Variants in SCN9A observed in about 807,000 individuals in gnomAD.
SCN9A encodes the protein sodium channel protein type 9 subunit alpha.
In SCN9A, 131 loss-of-function variants were observed where a neutral mutation model predicts 187.0. The ratio of observed to expected loss-of-function variants is 0.70; its 90% CI spans 0.61 to 0.81. The LOEUF is 0.81. Among genes scored for constraint, SCN9A ranks in the 30% least tolerant of loss-of-function variants. SCN9A has a pLI of 0.00. For synonymous variants in SCN9A, 809 were observed against 808.6 expected, an observed-to-expected ratio of 1.00 and a Z score of -0.01; for missense variants, 2,252 against 2,396.6, an observed-to-expected ratio of 0.94 and a Z score of 1.26.
intron 1 of SCN9A, among the ~76,000 whole-genome samples, chr2:166,328,243 A>G (rs1699412065): frequency 6.6e-6 from 1 of 151,372 alleles, no homozygotes; most frequent in Non-Finnish European, 1.5e-5. Context: ...TATTTTTAGG[A>G]TATATGCATT....
intron 1 of SCN9A, among the ~76,000 whole-genome samples, chr2:166,344,158 A>C (rs1355160561): frequency 6.6e-6 from 1 of 152,214 alleles, no homozygotes; most frequent in East Asian, 1.9e-4. Context: ...ACAAAAAGAA[A>C]AGTACTTAAT....
At position 166,293,446 on chromosome 2, in the gene SCN9A, C is replaced by T. The variant is rs567021263; in HGVS notation, c.966-74G>A. ...GCTAAATAGCCTTACTGAAAAGTTA[C>T]AAACTCAAGGTTTCTTCTATAGGGG... On this transcript the variant is annotated intron_variant, in intron 8 of 26. Coordinates refer to ENST00000642356, the MANE Select transcript of SCN9A (RefSeq NM_001365536.1). 44 of 1,332,086 alleles carry T rather than the reference C, an allele frequency of 3.3e-5. No homozygotes were observed. The South Asian group carries it at 7.3e-4, about 22-fold the overall frequency. 82.5% of individuals were successfully genotyped at this position (1,332,086 alleles called of 1,614,324 possible).
chr2:166,199,645 T>C lies in SCN9A; in HGVS notation c.4994A>G (p.Asn1665Ser), dbSNP rs1401418949. The C allele has an allele frequency of 2.5e-6, 4 of 1,614,100 alleles. No homozygotes were observed. The highest frequency in any genetic ancestry group is 1.1e-5 in the South Asian group (1 of 91,068). Residue 1665 changes from asparagine to serine, a missense_variant, in exon 27 of 27, where the codon AAC becomes AGC. Coordinates refer to ENST00000642356, the MANE Select transcript of SCN9A (RefSeq NM_001365536.1). ...ATCTTCCTTTTTAACATAGGCAAAGTTGGACATTCCAAAGATGGCGTAGAT... is the reference window on the plus strand; with the variant it reads ...ATCTTCCTTTTTAACATAGGCAAAGCTGGACATTCCAAAGATGGCGTAGAT... ...MFIYAIFGMS[N>S]FAYVKKEDGI...
intron 18 of SCN9A, among the ~76,000 whole-genome samples, chr2:166,243,483 A>G (rs1473402522): frequency 2.0e-5 from 3 of 152,038 alleles, no homozygotes; most frequent in African/African-American, 4.8e-5. Flanking sequence ...GAAGAAATCA[A>G]TCTCACCTGG....
chr2:166,329,157 CCAT>C (rs1338441837), intron 1 of SCN9A, among the ~76,000 whole-genome samples: 3 of 152,056 alleles, frequency 2.0e-5, no homozygotes, highest in Admixed American at 6.5e-5. Context: ...TTTTAAAATG[CCAT>C]CATAATAACT....
intron 21 of SCN9A, among the ~76,000 whole-genome samples, chr2:166,230,010 AG>A (rs1695013270): frequency 6.6e-6 from 1 of 152,216 alleles, no homozygotes; most frequent in African/African-American, 2.4e-5. Flanking sequence ...GCTTTAAAAT[AG>A]AGAAATACTA....
intron 17 of SCN9A, among the ~76,000 whole-genome samples, chr2:166,266,968 C>T (rs1696768656): frequency 6.6e-6 from 1 of 151,836 alleles, no homozygotes; most frequent in Non-Finnish European, 1.5e-5. Context: ...GTCATTAGAA[C>T]TCTCTATATC....
At chr2:166,292,588 T>C (rs1197493750) in intron 9 of SCN9A, among the ~76,000 whole-genome samples, 1 of 152,120 alleles carries the variant, frequency 6.6e-6, no homozygotes, top group Non-Finnish European at 1.5e-5. Context: ...TACTATAGAA[T>C]AATCATTTTG....
chr2:166,332,605 A>G (rs1441170017), intron 1 of SCN9A, among the ~76,000 whole-genome samples: 3 of 152,152 alleles, frequency 2.0e-5, no homozygotes, highest in East Asian at 1.9e-4. Flanking sequence ...ATCCATTTCA[A>G]TATTGTTCCT....
At chr2:166,236,952 G>A (rs756722467) in intron 20 of SCN9A, among the ~76,000 whole-genome samples, 5 of 152,170 alleles carry the variant, frequency 3.3e-5, no homozygotes, top group South Asian at 4.1e-4. Context: ...ACAAATTTGC[G>A]TGTTGACCTC....
Position 166,199,038 on chromosome 2 carries a change from G to A in SCN9A, c.5601C>T (p.Phe1867=), listed in dbSNP as rs867949537. 1.9e-6 allele frequency: 3 copies of A among 1,614,134 alleles called. No individual in the cohort carries two copies. Among genetic ancestry groups the A allele is most frequent in the Non-Finnish European group, 2.5e-6 (3 of 1,180,030 alleles). Residue 1867 remains phenylalanine, a synonymous_variant, in exon 27 of 27, where the codon TTC becomes TTT. Transcript: ENST00000642356. ...ACACTTTGGAAGGATTTGCAGACATGAACCTTTCTTCCATCTGTGAACGAA... is the reference window on the plus strand; with the variant it reads ...ACACTTTGGAAGGATTTGCAGACATAAACCTTTCTTCCATCTGTGAACGAA... ...DSLRSQMEER[F]MSANPSKVSY... is the part of the protein sequence containing the mutation.
intron 26 of SCN9A, among the ~76,000 whole-genome samples, chr2:166,202,238 GA>G (rs1227871234): frequency 6.7e-6 from 1 of 150,136 alleles, no homozygotes; most frequent in Non-Finnish European, 1.5e-5. Flanking sequence ...GTTTTGCATA[GA>G]AAGGACTATA....
At chr2:166,286,217 C>T (rs2106486607) in intron 11 of SCN9A, 119 bp downstream of exon 11, 3 of 991,240 alleles carry the variant, frequency 3.0e-6, no homozygotes, top group Non-Finnish European at 4.4e-6. Flanking sequence ...AGGTTTTTAC[C>T]TAAAATCATA....
intron 7 of SCN9A, 107 bp downstream of exon 7, chr2:166,302,983 T>C (rs1385164272): frequency 2.2e-6 from 2 of 901,532 alleles, no homozygotes; most frequent in East Asian, 2.7e-5. Context: ...TTCTATATAT[T>C]TGAATAGCTT....
Position 166,286,341 on chromosome 2 carries a change from T to G in SCN9A, c.1597A>C (p.Asn533His), listed in dbSNP as rs1477582366. 6.2e-7 allele frequency: 1 copy of G among 1,604,150 alleles called. No homozygotes were observed. Among genetic ancestry groups the G allele is most frequent in the Non-Finnish European group, 8.5e-7 (1 of 1,176,530 alleles). The change falls in exon 11 of 27, where the codon AAT becomes CAT. Residue 533 changes from asparagine (N) to histidine (H), a missense_variant. Physicochemically the swap from Asn to His is moderately conservative, Grantham distance 68 (BLOSUM62 1). Around this residue, in one of 7 missense-constraint regions of SCN9A, gnomAD observed 1,013 missense variants for 997.4 expected, o/e 1.02. Transcript: ENST00000642356. ...RAHEKRLSTP[N>H]QSPLSIRGSL... ...TTTAGCAATTTGGGTGGTACCTGAT[T>G]GGGGGTAGACAACCTCTTTTCATGT... is the stretch of plus-strand genomic sequence containing the variant.
chr2:166,198,631 T>C lies in SCN9A; in HGVS notation c.*41A>G. On this transcript the variant is annotated 3_prime_UTR_variant, in exon 27 of 27. Coordinates refer to ENST00000642356, the MANE Select transcript of SCN9A (RefSeq NM_001365536.1). ...AAAGAGTTTTATTAACACAAATAAATCACTTTCACAGGCTGTAAACAATAT... is the reference window on the plus strand; with the variant it reads ...AAAGAGTTTTATTAACACAAATAAACCACTTTCACAGGCTGTAAACAATAT... 7.2e-7 allele frequency: 1 copy of C among 1,391,330 alleles called. No individual in the cohort carries two copies. The highest frequency in any genetic ancestry group is 9.8e-7 in the Non-Finnish European group (1 of 1,024,388). The allele number at this position is 1,391,330 out of a possible 1,614,324, so 86.2% of individuals were successfully genotyped here.
chr2:166,199,210 T>C lies in SCN9A; in HGVS notation c.5429A>G (p.Asp1810Gly). 1 of 1,614,096 alleles carries C rather than the reference T, an allele frequency of 6.2e-7. No individual in the cohort carries two copies. The highest frequency in any genetic ancestry group is 8.5e-7 in the Non-Finnish European group (1 of 1,180,036). The change falls in exon 27 of 27, where the codon GAT (aspartate) becomes GGT (glycine). Residue 1810 changes from aspartate (D) to glycine (G), a missense_variant. Around this residue, in one of 7 missense-constraint regions of SCN9A, gnomAD observed 345 missense variants for 344.6 expected, o/e 1.00. Transcript: ENST00000642356. ...GGGTTTTGCTATGAGAAGAGGAGGA[T>C]CCAGGGCAGCTGCAAAATCAGAGAG... The part of the protein sequence containing the change: ...SKLSDFAAAL[D>G]PPLLIAKPNK...
intron 18 of SCN9A, among the ~76,000 whole-genome samples, chr2:166,251,317 C>T (rs551266785): frequency 3.1e-4 from 47 of 151,994 alleles, no homozygotes; most frequent in Middle Eastern, 6.8e-3. Flanking sequence ...AATAAAAGAC[C>T]AAAGGTAGAC....
chr2:166,373,311 T>C (rs1030587402), intron 1 of SCN9A, among the ~76,000 whole-genome samples: 3 of 137,888 alleles, frequency 2.2e-5, no homozygotes, highest in African/African-American at 9.1e-5. Context: ...TTCTTCTTCC[T>C]CTTTTTTTTT....
Sources: allele counts gnomAD v4.1 joint callset (sites outside exome capture counted in the v4.1 genomes callset), GRCh38; gene constraint gnomAD v4.1.1; regional missense constraint gnomAD v4.1.1; transcripts MANE v1.5; gene names NCBI Gene and HGNC (gene_info 2026-07-23, HGNC 2026-07-21).